The following FBXO22 variants were observed in gnomAD, a reference collection of about 807,000 sequenced individuals.
The protein encoded by FBXO22 is F-box only protein 22.
Under a neutral mutation model 37.2 loss-of-function variants are expected in FBXO22, and 13 were observed. The observed-to-expected ratio is 0.35, with a 90% CI of 0.23 to 0.56. The LOEUF is 0.56. Ranked by LOEUF, FBXO22 falls within the 20% of genes least tolerant of loss-of-function variation. The probability of loss-of-function intolerance (pLI) is 0.87; values close to 1 mark genes in which losing one functional copy is unlikely to be tolerated. For missense variants in FBXO22, 446 were observed against 509.9 expected (o/e 0.87, Z 1.21); for synonymous variants, 189 against 189.1 (o/e 1.00, Z 0.00).
intron 5 of FBXO22, among the ~76,000 whole-genome samples, chr15:75,919,967 A>C (rs1422760911): frequency 1.3e-5 from 2 of 152,214 alleles, no homozygotes; most frequent in Admixed American, 1.3e-4. Context: ...ACTGAACTTT[A>C]ATGGCAGTAG....
chr15:75,908,296 CAG>C (rs1382460902), intron 2 of FBXO22, among the ~76,000 whole-genome samples: 1 of 149,592 alleles, frequency 6.7e-6, no homozygotes, highest in Admixed American at 6.7e-5. Context: ...TTTTTTGAGA[CAG>C]AGTCTCGCCT....
At chr15:75,920,928 T>C (rs1434999369) in intron 5 of FBXO22, among the ~76,000 whole-genome samples, 1 of 152,234 alleles carries the variant, frequency 6.6e-6, no homozygotes, top group Admixed American at 6.5e-5. Flanking sequence ...AGAATACATA[T>C]ACAGTCATAT....
chr15:75,928,190 G>C lies in FBXO22; in HGVS notation c.629-1694G>C, dbSNP rs149003125. ...TTCAGCCATTGTGGAAGATAGTGTG[G>C]TGATTCCTCAAAGACCTAAAGACAG... On this transcript the variant is annotated intron_variant, in intron 5 of 6. Transcript: ENST00000308275. Among the ~76,000 whole-genome samples the C allele has an allele frequency of 7.5e-3, 1,148 of 152,250 alleles. 8 individuals are homozygous for C. Among genetic ancestry groups the C allele is most frequent in the Admixed American group, 0.014 (207 of 15,296 alleles).
chr15:75,938,249 G>C lies in FBXO22; in HGVS notation c.*5147G>C, dbSNP rs2030573713. ...AATAGTCTTTTATAAAAATAATTTGGAAAACTCTCAAAACAAATGGATGAC... is the reference window on the plus strand; with the variant it reads ...AATAGTCTTTTATAAAAATAATTTGCAAAACTCTCAAAACAAATGGATGAC... On this transcript the variant is annotated 3_prime_UTR_variant, in exon 7 of 7. Transcript: ENST00000308275. The C allele has an allele frequency of 6.6e-6, 1 of 152,016 alleles. No individual in the cohort carries two copies. The highest frequency in any genetic ancestry group is 2.4e-5 in the African/African-American group (1 of 41,368). The allele number at this position is 152,016 out of a possible 1,614,324, so 9.4% of individuals were successfully genotyped here. A position where few individuals can be genotyped will look rare whatever the true frequency, so the allele number is the denominator to read the frequency against.
At chr15:75,926,676 C>T (rs1900448541) in intron 5 of FBXO22, among the ~76,000 whole-genome samples, 3 of 152,202 alleles carry the variant, frequency 2.0e-5, no homozygotes, top group Non-Finnish European at 4.4e-5. Flanking sequence ...TAGTCACAAA[C>T]GAGTGGCTGT....
At chr15:75,914,083 T>C in intron 3 of FBXO22, 27 bp from the exon 4 acceptor site, 2 of 1,511,354 alleles carry the variant, frequency 1.3e-6, no homozygotes, top group African/African-American at 1.4e-5. Context: ...GGATGATATT[T>C]ATCATTTTGC....
chr15:75,932,832 T>G lies in FBXO22; in HGVS notation c.942T>G (p.Ile314Met). The change falls in exon 7 of 7, where the codon ATT (isoleucine) becomes ATG (methionine). Residue 314 changes from isoleucine to methionine, a missense_variant. Physicochemically the swap from Ile to Met is conservative, Grantham distance 10 (BLOSUM62 1). This residue lies in a region of FBXO22 where 315 missense variants were observed against 410.1 expected (regional missense o/e 0.77). Transcript: ENST00000308275. ...TGCAGCGCCTCAAAGCGGCCAACATTCCAGAGCATAACACCATTGGCTTCA... is the reference window on the plus strand; with the variant it reads ...TGCAGCGCCTCAAAGCGGCCAACATGCCAGAGCATAACACCATTGGCTTCA... ...AAMQRLKAANIPEHNTIGFMF... is the reference protein window; with the variant it reads ...AAMQRLKAANMPEHNTIGFMF... The G allele has an allele frequency of 6.2e-7, 1 of 1,614,228 alleles. No individual in the cohort carries two copies. Among genetic ancestry groups the G allele is most frequent in the Non-Finnish European group, 8.5e-7 (1 of 1,180,042 alleles).
At chr15:75,911,204 T>C (rs1019640509) in intron 2 of FBXO22, among the ~76,000 whole-genome samples, 1 of 152,228 alleles carries the variant, frequency 6.6e-6, no homozygotes, top group African/African-American at 2.4e-5. Flanking sequence ...GCATGATGCC[T>C]CCAGCTTTTT....
chr15:75,925,936 A>G (rs1390005713), intron 5 of FBXO22, among the ~76,000 whole-genome samples: 2 of 152,140 alleles, frequency 1.3e-5, no homozygotes, highest in Non-Finnish European at 2.9e-5. Context: ...TCCTATTCCA[A>G]AACCAAAGAC....
chr15:75,938,424 T>TTC lies in FBXO22; in HGVS notation c.*5323_*5324dup, dbSNP rs1391778207. 6.6e-6 allele frequency: 1 copy of TTC among 152,016 alleles called. No individual in the cohort carries two copies. Among genetic ancestry groups the TTC allele is most frequent in the African/African-American group, 2.4e-5 (1 of 41,396 alleles). 9.4% of individuals were successfully genotyped at this position (152,016 alleles called of 1,614,324 possible). ...CAAAGGAACAGGAAAATAATGCGCA[T>TTC]TCAAAAGATCAAAATTAATTGACCT... On this transcript the variant is annotated 3_prime_UTR_variant, in exon 7 of 7. Transcript: ENST00000308275.
chr15:75,905,345 A>G (rs1215970280), intron 2 of FBXO22, among the ~76,000 whole-genome samples: 2 of 152,124 alleles, frequency 1.3e-5, no homozygotes, highest in African/African-American at 2.4e-5. Flanking sequence ...CTGGCCCCCA[A>G]CTTCAAAAGG....
chr15:75,930,114 T>C, intron 6 of FBXO22, 65 bp downstream of exon 6: 1 of 1,606,794 alleles, frequency 6.2e-7, no homozygotes, highest in African/African-American at 1.3e-5. Context: ...TTTTGTCACT[T>C]TGGGGTTAAC....
chr15:75,904,455 G>A lies in FBXO22; in HGVS notation c.141-36G>A, dbSNP rs775096776. 5 of 1,612,754 alleles carry A rather than the reference G, an allele frequency of 3.1e-6. No homozygotes were observed. The South Asian group carries it at 5.5e-5, about 18-fold the overall frequency. On this transcript the variant is annotated intron_variant, in intron 1 of 6. Transcript: ENST00000308275. ...AGCTGTGGGAGAGACGAAAATGAAC[G>A]TCCGTTCGCAATCCTTTGTGCGTTT...
At chr15:75,917,196 C>T (rs1227612104) in intron 4 of FBXO22, 34 bp from the exon 5 acceptor site, 7 of 1,536,016 alleles carry the variant, frequency 4.6e-6, no homozygotes, top group Non-Finnish European at 4.4e-6. Flanking sequence ...TTTTTACTGA[C>T]TCTATTGGTG....
chr15:75,908,740 T>C (rs1899984097), intron 2 of FBXO22, among the ~76,000 whole-genome samples: 1 of 152,218 alleles, frequency 6.6e-6, no homozygotes, highest in African/African-American at 2.4e-5. Context: ...GCACGTAGTC[T>C]AAGTGTTGCC....
chr15:75,914,100 A>G lies in FBXO22; in HGVS notation c.368-10A>G. On this transcript the variant is annotated splice_polypyrimidine_tract_variant and intron_variant, in intron 3 of 6. Transcript: ENST00000308275. Reference sequence around the variant, plus strand: ...ATGATATTTATCATTTTGCTACTGTATTTTTACAGCAAGGAAAAGAACTAG... The same window carrying G: ...ATGATATTTATCATTTTGCTACTGTGTTTTTACAGCAAGGAAAAGAACTAG... 6.3e-7 allele frequency: 1 copy of G among 1,597,124 alleles called. No homozygotes were observed. Among genetic ancestry groups the G allele is most frequent in the Non-Finnish European group, 8.5e-7 (1 of 1,170,172 alleles).
chr15:75,906,135 G>T, intron 2 of FBXO22, among the ~76,000 whole-genome samples: 1 of 152,162 alleles, frequency 6.6e-6, no homozygotes, highest in East Asian at 1.9e-4. Flanking sequence ...GCTGGCTTCA[G>T]TGTCTTTTTA....
At chr15:75,910,182 G>A (rs760895706) in intron 2 of FBXO22, 3 of 152,214 alleles carry the variant, frequency 2.0e-5, no homozygotes, top group Non-Finnish European at 4.4e-5. Flanking sequence ...GGGCATTTGA[G>A]TTGGTTTCAA....
At chr15:75,923,039 G>C (rs570579207) in intron 5 of FBXO22, among the ~76,000 whole-genome samples, 3 of 152,248 alleles carry the variant, frequency 2.0e-5, no homozygotes, top group Middle Eastern at 3.4e-3. Context: ...AACCTTTTGT[G>C]TGCTGCCTTT....
Sources: gnomAD v4.1 joint callset for allele counts (sites outside exome capture counted in the v4.1 genomes callset) on GRCh38, gnomAD v4.1.1 for gene constraint, gnomAD v4.1.1 regional missense constraint, MANE v1.5 for transcripts, NCBI Gene and HGNC (gene_info 2026-07-23, HGNC 2026-07-21) for gene names.